The following BRCA2 variants were observed in gnomAD, a reference collection of about 807,000 sequenced individuals.
BRCA2 encodes the protein BRCA2 DNA repair associated.
A neutral mutation model predicts 276.7 loss-of-function variants in BRCA2; 203 were observed. The observed-to-expected ratio is 0.73, with a 90% confidence interval of 0.65 to 0.82. The LOEUF is 0.82. Ranked by LOEUF, BRCA2 falls within the 40% of genes least tolerant of loss-of-function variation. BRCA2 has a pLI of 0.00. For missense variants in BRCA2, 3,920 were observed against 3,915.0 expected (o/e 1.00, Z -0.03); for synonymous variants, 1,289 against 1,338.4 (o/e 0.96, Z 0.81).
chr13:32,365,849 T>C (rs2072778427), intron 18 of BRCA2, among the ~76,000 whole-genome samples: 1 of 151,618 alleles, frequency 6.6e-6, no homozygotes, highest in South Asian at 2.1e-4. Context: ...AGTGGTTCTT[T>C]TATAATTTCC....
intron 3 of BRCA2, among the ~76,000 whole-genome samples, chr13:32,323,367 A>T (rs529147939): frequency 2.1e-4 from 32 of 152,062 alleles, no homozygotes; most frequent in African/African-American, 7.2e-4. Context: ...GTTAGCCAGG[A>T]TGGTCTTGAT....
chr13:32,341,685 T>C (rs1044364768), intron 11 of BRCA2, among the ~76,000 whole-genome samples: 1 of 151,518 alleles, frequency 6.6e-6, no homozygotes, highest in Admixed American at 6.6e-5. Context: ...GCTAAAACGG[T>C]GAAACCCCGT....
rs28897742 is a variant in BRCA2 at position 32,341,069 on chromosome 13, T to G, written c.6714T>G (p.Asp2238Glu). The G allele has an allele frequency of 3.1e-6, 5 of 1,614,000 alleles. No individual in the cohort carries two copies. The highest frequency in any genetic ancestry group is 4.2e-6 in the Non-Finnish European group (5 of 1,179,930). ...VEIAKAFMED[D>E]ELTDSKLPSH... is the part of the protein sequence containing the mutation. ...TTGCTAAAGCTTTTATGGAAGATGA[T>G]GAACTGACAGATTCTAAACTGCCAA... The change falls in exon 11 of 27, where the codon GAT becomes GAG. Residue 2238 changes from aspartate to glutamate, a missense_variant. By Grantham distance (45) the Asp-to-Glu change is conservative. Around this residue, in one of 2 missense-constraint regions of BRCA2, gnomAD observed 3,263 missense variants for 3,156.9 expected, o/e 1.03. Coordinates refer to ENST00000380152, the MANE Select transcript of BRCA2 (RefSeq NM_000059.4).
At chr13:32,377,263 C>T (rs1323812109) in intron 21 of BRCA2, among the ~76,000 whole-genome samples, 2 of 152,074 alleles carry the variant, frequency 1.3e-5, no homozygotes, top group African/African-American at 2.4e-5. Flanking sequence ...GCTTTAGAAT[C>T]GTGGCACTCT....
chr13:32,354,198 G>T (rs2072671261), intron 13 of BRCA2, among the ~76,000 whole-genome samples: 2 of 152,180 alleles, frequency 1.3e-5, no homozygotes, highest in Admixed American at 1.3e-4. Flanking sequence ...ACATGCATCT[G>T]GGAGGTCATT....
intron 13 of BRCA2, among the ~76,000 whole-genome samples, chr13:32,349,370 C>A (rs963657319): frequency 6.6e-6 from 1 of 151,186 alleles, no homozygotes; most frequent in African/African-American, 2.4e-5. Context: ...CTAAATTTCT[C>A]AAAGCATGCA....
At chr13:32,360,147 G>C (rs2072729011) in intron 16 of BRCA2, among the ~76,000 whole-genome samples, 1 of 152,150 alleles carries the variant, frequency 6.6e-6, no homozygotes, top group Admixed American at 6.5e-5. Context: ...AGGGAGCATA[G>C]GACTATCCTA....
chr13:32,315,447 CGCGTCACG>C (rs1454505634), upstream of BRCA2: 2 of 152,348 alleles, frequency 1.3e-5, no homozygotes, highest in African/African-American at 4.8e-5. Context: ...TGCTGCGTGT[CGCGTCACG>C]GCGTCACGTG....
At chr13:32,384,713 A>T (rs2072946815) in intron 24 of BRCA2, 3 of 239,856 alleles carry the variant, frequency 1.3e-5, no homozygotes, top group Admixed American at 1.2e-4. Context: ...AGCAGTTAAG[A>T]TGTTACTTTA....
intron 18 of BRCA2, among the ~76,000 whole-genome samples, chr13:32,366,666 A>G (rs1438972504): frequency 6.6e-6 from 1 of 151,544 alleles, no homozygotes; most frequent in Non-Finnish European, 1.5e-5. Context: ...TACTAAAAAT[A>G]TAAAACTTAG....
At chr13:32,359,718 G>T (rs1369831400) in intron 16 of BRCA2, among the ~76,000 whole-genome samples, 5 of 152,170 alleles carry the variant, frequency 3.3e-5, no homozygotes, top group Non-Finnish European at 7.3e-5. Flanking sequence ...AGAAAAGTTG[G>T]TTAAACGGTT....
Position 32,326,139 on chromosome 13 carries a change from G to C in BRCA2, c.464G>C (p.Arg155Thr), listed in dbSNP as rs377639990. 6.2e-7 allele frequency: 1 copy of C among 1,609,248 alleles called. No homozygotes were observed. The highest frequency in any genetic ancestry group is 8.5e-7 in the Non-Finnish European group (1 of 1,176,896). The change falls in exon 5 of 27, where the codon AGA becomes ACA. Residue 155 changes from arginine (R) to threonine (T), a missense_variant. By Grantham distance (71) the Arg-to-Thr change is moderately conservative (BLOSUM62 -1). Around this residue, in one of 2 missense-constraint regions of BRCA2, gnomAD observed 3,263 missense variants for 3,156.9 expected, o/e 1.03. Coordinates refer to ENST00000380152, the MANE Select transcript of BRCA2 (RefSeq NM_000059.4). ...VLQCTHVTPQ[R>T]DKSVVCGSLF... ...CAATGTACACATGTAACACCACAAA[G>C]AGATAAGTCAGGTATGATTAAAAAC...
At position 32,339,070 on chromosome 13, in the gene BRCA2, C is replaced by G. The variant is rs2072511378; in HGVS notation, c.4715C>G (p.Ala1572Gly). 6.2e-7 allele frequency: 1 copy of G among 1,613,950 alleles called. No individual in the cohort carries two copies. Among genetic ancestry groups the G allele is most frequent in the Non-Finnish European group, 8.5e-7 (1 of 1,179,894 alleles). The change falls in exon 11 of 27, where the codon GCC (alanine) becomes GGC (glycine). Residue 1572 changes from alanine to glycine, a missense_variant. Transcript: ENST00000380152. ...GCAAAGACCCTAAAGTACAGAGAGG[C>G]CTGTAAAGACCTTGAATTAGCATGT... ...QWAKTLKYRE[A>G]CKDLELACET... is the part of the protein sequence containing the mutation.
intron 18 of BRCA2, among the ~76,000 whole-genome samples, chr13:32,366,150 A>G (rs1401926375): frequency 6.6e-6 from 1 of 152,252 alleles, no homozygotes; most frequent in East Asian, 1.9e-4. Context: ...GTGTGTTTTC[A>G]ATTAGAGCAT....
chr13:32,331,685 TA>T (rs1452619224), intron 9 of BRCA2, among the ~76,000 whole-genome samples: 2 of 151,858 alleles, frequency 1.3e-5, no homozygotes, highest in African/African-American at 2.4e-5. Context: ...TCAGAGACAA[TA>T]AGATATATAA....
chr13:32,396,858 T>A lies in BRCA2; in HGVS notation c.9502-40T>A, dbSNP rs563731281. The A allele has an allele frequency of 1.2e-5, 20 of 1,612,244 alleles. No homozygotes were observed. In the Admixed American group the frequency reaches 1.8e-4, roughly 15 times the overall value. On this transcript the variant is annotated intron_variant, in intron 25 of 26. Coordinates refer to ENST00000380152, the MANE Select transcript of BRCA2 (RefSeq NM_000059.4). ...ACTTTTGGAAACATAAATATGTGGG[T>A]TTGCAATTTATAAAGCAGCTTTTCC... is the stretch of plus-strand genomic sequence containing the variant.
chr13:32,359,528 G>C (rs1259243507), intron 16 of BRCA2, among the ~76,000 whole-genome samples: 1 of 152,152 alleles, frequency 6.6e-6, no homozygotes, highest in African/African-American at 2.4e-5. Context: ...AGTGGCAAAA[G>C]ATGGGATTTA....
At position 32,325,100 on chromosome 13, in the gene BRCA2, A is replaced by G. The variant is rs80358586; in HGVS notation, c.341A>G (p.His114Arg). The G allele has an allele frequency of 3.7e-5, 60 of 1,600,786 alleles. 1 individual carries two copies. The highest frequency in any genetic ancestry group is 2.7e-5 in the Non-Finnish European group (31 of 1,168,082). Reference protein sequence around the residue: ...DLGRNVPNSRHKSLRTVKTKM... With the variant: ...DLGRNVPNSRRKSLRTVKTKM... Reference sequence around the variant, plus strand: ...GGAAGGAATGTTCCCAATAGTAGACATAAAAGTCTTCGCACAGTGAAAACT... The same window carrying G: ...GGAAGGAATGTTCCCAATAGTAGACGTAAAAGTCTTCGCACAGTGAAAACT... Residue 114 changes from histidine to arginine, a missense_variant, in exon 4 of 27, where the codon CAT becomes CGT. Transcript: ENST00000380152.
chr13:32,394,625 C>A, intron 24 of BRCA2, 64 bp from the exon 25 acceptor site: 1 of 1,552,882 alleles, frequency 6.4e-7, no homozygotes, highest in Non-Finnish European at 8.8e-7. Flanking sequence ...AGTTTCCTTT[C>A]TTGCATCTTA....
Sources: allele counts gnomAD v4.1 joint callset (sites outside exome capture counted in the v4.1 genomes callset), GRCh38; gene constraint gnomAD v4.1.1; regional missense constraint gnomAD v4.1.1; transcripts MANE v1.5; gene names NCBI Gene and HGNC (gene_info 2026-07-23, HGNC 2026-07-21).